Variants in ABAT observed in about 807,000 individuals in gnomAD.
ABAT encodes the protein 4-aminobutyrate aminotransferase, mitochondrial.
In ABAT, 45 loss-of-function variants were observed where a neutral mutation model predicts 64.6. The observed-to-expected ratio is 0.70, with a 90% CI of 0.55 to 0.89. ABAT has a LOEUF of 0.89. Ranked by LOEUF, ABAT falls within the 40% of genes least tolerant of loss-of-function variation. The pLI is 0.00. For synonymous variants in ABAT, 297 were observed against 250.5 expected, an observed-to-expected ratio of 1.19 and a Z score of -1.75; for missense variants, 633 against 658.4, an observed-to-expected ratio of 0.96 and a Z score of 0.42.
At chr16:8,767,808 T>C (rs1381014502) in intron 9 of ABAT, among the ~76,000 whole-genome samples, 1 of 152,056 alleles carries the variant, frequency 6.6e-6, no homozygotes, top group Admixed American at 6.6e-5. Context: ...CCCAAGTAGC[T>C]AGGATTACAG....
At chr16:8,698,334 CT>C (rs902357277) in intron 1 of ABAT, among the ~76,000 whole-genome samples, 97 of 146,060 alleles carry the variant, frequency 6.6e-4, no homozygotes, top group South Asian at 1.3e-3. Context: ...CCTTCTGGCT[CT>C]TTTTTTTTTT....
chr16:8,711,578 A>C (rs892999708), intron 1 of ABAT, among the ~76,000 whole-genome samples: 1 of 152,216 alleles, frequency 6.6e-6, no homozygotes, highest in African/African-American at 2.4e-5. Flanking sequence ...ATTGCACTTG[A>C]TATGCAGGAC....
At position 8,768,895 on chromosome 16, in the gene ABAT, A is replaced by G; in HGVS notation, c.738A>G (p.Ala246=). 6.2e-7 allele frequency: 1 copy of G among 1,614,082 alleles called. No homozygotes were observed. The highest frequency in any genetic ancestry group is 8.5e-7 in the Non-Finnish European group (1 of 1,180,026). The change falls in exon 11 of 16, where the codon GCA becomes GCG. Residue 246 remains alanine (A), a synonymous_variant. Transcript: ENST00000268251. The stretch of plus-strand genomic sequence containing the variant: ...TCCCTTCCTTTGACTGGCCCATCGC[A>G]CCGTTCCCACGGCTGAAATACCCTC... The part of the protein sequence containing the change: ...IDIPSFDWPI[A]PFPRLKYPLE...
chr16:8,757,919 T>C lies in ABAT; in HGVS notation c.366+113T>C. On this transcript the variant is annotated intron_variant, in intron 6 of 15. Coordinates refer to ENST00000268251, the MANE Select transcript of ABAT (RefSeq NM_020686.6). ...CATTCATTCATTCATTCCATAAATATGTATTGAGCCCATACTATGTGCCAG... is the reference window on the plus strand; with the variant it reads ...CATTCATTCATTCATTCCATAAATACGTATTGAGCCCATACTATGTGCCAG... The C allele has an allele frequency of 5.8e-6, 7 of 1,213,226 alleles. No homozygotes were observed. The South Asian group carries it at 6.3e-5, about 11-fold the overall frequency. The allele number at this position is 1,213,226 out of a possible 1,614,324, so 75.2% of individuals were successfully genotyped here. A position where few individuals can be genotyped will look rare whatever the true frequency, so the allele number is the denominator to read the frequency against.
At chr16:8,711,729 TG>T (rs1363359059) in intron 1 of ABAT, among the ~76,000 whole-genome samples, 1 of 31,888 alleles carries the variant, frequency 3.1e-5, no homozygotes, top group South Asian at 1.6e-3. Context: ...GATGGGAAGA[TG>T]GATGGGTGGA....
intron 2 of ABAT, among the ~76,000 whole-genome samples, chr16:8,741,936 TG>T (rs1387000567): frequency 6.6e-6 from 1 of 152,234 alleles, no homozygotes; most frequent in Non-Finnish European, 1.5e-5. Context: ...TTAAAATAGA[TG>T]GAAGTTTGCC....
intron 1 of ABAT, chr16:8,705,655 T>C (rs2057923572): frequency 6.6e-6 from 1 of 152,134 alleles, no homozygotes; most frequent in Non-Finnish European, 1.5e-5. Flanking sequence ...AGACCTGAGA[T>C]CAGACAGGCA....
chr16:8,744,823 G>A (rs1315429127), intron 2 of ABAT, among the ~76,000 whole-genome samples: 8 of 152,088 alleles, frequency 5.3e-5, no homozygotes, highest in East Asian at 2.0e-4. Context: ...AGCCCAGATC[G>A]TGTCTCTGCA....
intron 6 of ABAT, among the ~76,000 whole-genome samples, chr16:8,758,304 G>T (rs1219995956): frequency 6.6e-6 from 1 of 152,166 alleles, no homozygotes; most frequent in Non-Finnish European, 1.5e-5. Flanking sequence ...TGAGCTATTT[G>T]GGGATGGAGA....
At chr16:8,737,484 A>AAAATAAAT (rs71152923) in intron 2 of ABAT, 2 of 150,556 alleles carry the variant, frequency 1.3e-5, no homozygotes, top group African/African-American at 4.9e-5. Context: ...AAAAAAATAA[A>AAAATAAAT]AAATAAATAA....
At chr16:8,756,638 G>T (rs1015125372) in intron 5 of ABAT, among the ~76,000 whole-genome samples, 4 of 152,164 alleles carry the variant, frequency 2.6e-5, no homozygotes, top group African/African-American at 9.7e-5. Context: ...CACATATCCT[G>T]TGTCTCTCCT....
At chr16:8,719,787 AAG>A (rs1414317598) in intron 1 of ABAT, among the ~76,000 whole-genome samples, 2 of 152,180 alleles carry the variant, frequency 1.3e-5, no homozygotes, top group Admixed American at 1.3e-4. Context: ...GAAGGAAAAA[AAG>A]AAGTTGTTCA....
At chr16:8,717,026 G>A (rs773687410) in intron 1 of ABAT, among the ~76,000 whole-genome samples, 12 of 152,132 alleles carry the variant, frequency 7.9e-5, no homozygotes, top group Non-Finnish European at 1.5e-4. Flanking sequence ...ACGGTAGCTC[G>A]CGTCTGTAAT....
chr16:8,679,486 C>T (rs1241924646), intron 1 of ABAT, among the ~76,000 whole-genome samples: 3 of 143,226 alleles, frequency 2.1e-5, no homozygotes, highest in African/African-American at 2.6e-5. Context: ...ATTTCTCTAA[C>T]TTTAAAATAG....
Position 8,774,789 on chromosome 16 carries a change from G to T in ABAT, c.955-101G>T, listed in dbSNP as rs950036719. ...TTGCTCTTCAGAAAACAAGCACGATGTGTGTGGACCCAGGGTTTGGCAGTT... is the reference window on the plus strand; with the variant it reads ...TTGCTCTTCAGAAAACAAGCACGATTTGTGTGGACCCAGGGTTTGGCAGTT... On this transcript the variant is annotated intron_variant, in intron 12 of 15. Coordinates refer to ENST00000268251, the MANE Select transcript of ABAT (RefSeq NM_020686.6). 2.1e-6 allele frequency: 3 copies of T among 1,432,152 alleles called. No homozygotes were observed. In the Admixed American group the frequency reaches 5.1e-5, roughly 24 times the overall value. 88.7% of individuals were successfully genotyped at this position (1,432,152 alleles called of 1,614,324 possible).
chr16:8,737,920 T>TA (rs55678780), intron 2 of ABAT, among the ~76,000 whole-genome samples: 51,850 of 68,284 alleles, frequency 0.76, 18,799 homozygotes, highest in Non-Finnish European at 0.77. Flanking sequence ...AGACTGAGAT[T>TA]AAAAAAAAAA....
intron 1 of ABAT, among the ~76,000 whole-genome samples, chr16:8,704,250 A>G (rs2057890815): frequency 6.6e-6 from 1 of 152,154 alleles, no homozygotes; most frequent in Non-Finnish European, 1.5e-5. Flanking sequence ...TCCTCTTTCC[A>G]CACCTTCGGA....
intron 11 of ABAT, among the ~76,000 whole-genome samples, chr16:8,771,013 A>G (rs940600889): frequency 6.6e-6 from 1 of 152,182 alleles, no homozygotes; most frequent in Non-Finnish European, 1.5e-5. Context: ...AAACAAAGAA[A>G]AACCGGGCGC....
chr16:8,770,821 A>C (rs1191733941), intron 11 of ABAT, among the ~76,000 whole-genome samples: 2 of 152,212 alleles, frequency 1.3e-5, no homozygotes, highest in Non-Finnish European at 2.9e-5. Context: ...TATATTCAAA[A>C]TATTATCACG....
Sources: allele counts gnomAD v4.1 joint callset (sites outside exome capture counted in the v4.1 genomes callset), GRCh38; gene constraint gnomAD v4.1.1; transcripts MANE v1.5; gene names NCBI Gene and HGNC (gene_info 2026-07-23, HGNC 2026-07-21).